MRTFB: variants seen among roughly 807,000 people sequenced by gnomAD.
MRTFB encodes myocardin-related transcription factor B.
Under a neutral mutation model 104.2 loss-of-function variants are expected in MRTFB, and 29 were observed. That is an observed-to-expected ratio of 0.28 (90% CI 0.21 to 0.38). The LOEUF is 0.38. Ranked by LOEUF, MRTFB falls within the 10% of genes least tolerant of loss-of-function variation. The probability of loss-of-function intolerance (pLI) is 1.00; values close to 1 mark genes in which losing one functional copy is unlikely to be tolerated. For missense variants in MRTFB, 1,270 were observed against 1,341.6 expected, an observed-to-expected ratio of 0.95 and a Z score of 0.83; for synonymous variants, 535 against 519.5, an observed-to-expected ratio of 1.03 and a Z score of -0.41.
the MRTFB span, among the ~76,000 whole-genome samples, chr16:14,055,125 G>C: frequency 6.6e-6 from 1 of 152,186 alleles, no homozygotes; most frequent in African/African-American, 2.4e-5. Flanking sequence ...GCTGAGGCGG[G>C]TGGATCACCT....
intron 11 of MRTFB, 106 bp downstream of exon 11, chr16:14,245,766 C>T: frequency 8.2e-7 from 1 of 1,214,724 alleles, no homozygotes; most frequent in Middle Eastern, 2.0e-4. Context: ...AGACATTCAA[C>T]TTTACCAACA....
rs148938975 is a variant in MRTFB at position 14,206,752 on chromosome 16, G to A, written c.155-3491G>A. ...AGACGGGTTTCACCATGTTGGCCAGGCTAGTCTCAAACTCCTGAGCTCCAA... is the reference window on the plus strand; with the variant it reads ...AGACGGGTTTCACCATGTTGGCCAGACTAGTCTCAAACTCCTGAGCTCCAA... On this transcript the variant is annotated intron_variant, in intron 3 of 16. Transcript: ENST00000571589. Among the ~76,000 whole-genome samples, 16 of 152,150 alleles carry A rather than the reference G, an allele frequency of 1.1e-4. No individual in the cohort carries two copies. The East Asian group carries it at 3.1e-3, about 29-fold the overall frequency.
chr16:14,153,832 G>A (rs2038725102), intron 3 of MRTFB, among the ~76,000 whole-genome samples: 1 of 152,110 alleles, frequency 6.6e-6, no homozygotes, highest in African/African-American at 2.4e-5. Context: ...AGTTGTTCAA[G>A]TCTTCTATAC....
chr16:14,061,383 C>T, the MRTFB span, among the ~76,000 whole-genome samples: 1 of 152,148 alleles, frequency 6.6e-6, no homozygotes, highest in Non-Finnish European at 1.5e-5. Context: ...CCTGCATGTG[C>T]CCAGAAGCTG....
rs749904363 is a variant in MRTFB at position 14,247,104 on chromosome 16, A to G, written c.1844A>G (p.Glu615Gly). 6.2e-7 allele frequency: 1 copy of G among 1,614,074 alleles called. No individual in the cohort carries two copies. The highest frequency in any genetic ancestry group is 8.5e-7 in the Non-Finnish European group (1 of 1,180,052). ...CGAGGGCAGCAGCAGCGGCCCCTGG[A>G]AGCCCAGCCCAGTGCCCCAGGTCAT... The part of the protein sequence containing the change: ...EKRGQQQRPL[E>G]AQPSAPGHSV... Residue 615 changes from glutamate to glycine, a missense_variant, in exon 12 of 17, where the codon GAA becomes GGA. Glu to Gly is a moderately conservative substitution (Grantham distance 98). This residue lies in a region of MRTFB where 1,144 missense variants were observed against 1,131.5 expected (regional missense o/e 1.01). Transcript: ENST00000571589.
chr16:14,168,318 C>T (rs1039177787), intron 3 of MRTFB, among the ~76,000 whole-genome samples: 3 of 151,828 alleles, frequency 2.0e-5, no homozygotes, highest in Admixed American at 6.6e-5. Context: ...ATGCATATGC[C>T]TAAGTGCCCG....
chr16:14,104,591 A>G (rs2035874081), intron 2 of MRTFB, among the ~76,000 whole-genome samples: 1 of 152,234 alleles, frequency 6.6e-6, no homozygotes, highest in Admixed American at 6.5e-5. Flanking sequence ...TTCGCTTTAT[A>G]AACAAAAAGT....
rs147388686 is a variant in MRTFB, at chr16:14,217,495, C to T, written c.514+208C>T. 4.2e-3 allele frequency among the ~76,000 whole-genome samples: 645 copies of T among 152,236 alleles called. 3 individuals are homozygous for T. Among genetic ancestry groups the T allele is most frequent in the African/African-American group, 0.015 (618 of 41,528 alleles). Reference sequence around the variant, plus strand: ...TGATTAACAGATTCCCTTGTTAGGTCTGAGTTTTAATTCTTAACATTCTGA... The same window carrying T: ...TGATTAACAGATTCCCTTGTTAGGTTTGAGTTTTAATTCTTAACATTCTGA... On this transcript the variant is annotated intron_variant, in intron 7 of 16. Coordinates refer to ENST00000571589, the MANE Select transcript of MRTFB (RefSeq NM_001308142.2).
chr16:14,237,888 A>G (rs1299870375), intron 9 of MRTFB, among the ~76,000 whole-genome samples: 1 of 152,230 alleles, frequency 6.6e-6, no homozygotes, highest in East Asian at 1.9e-4. Context: ...GTATTCTGTA[A>G]GAGTAGGAAA....
chr16:14,172,726 G>A (rs1383187113), intron 3 of MRTFB, among the ~76,000 whole-genome samples: 1 of 152,120 alleles, frequency 6.6e-6, no homozygotes, highest in Non-Finnish European at 1.5e-5. Context: ...AATGTTTGGT[G>A]TAATTTTGAT....
the MRTFB span, among the ~76,000 whole-genome samples, chr16:14,031,330 G>T: frequency 3.3e-5 from 5 of 151,638 alleles, 1 homozygote; most frequent in Admixed American, 6.6e-5. Context: ...GGCGGAGGAG[G>T]TTGCAGTGAG....
At chr16:14,110,819 G>A (rs2036232420) in intron 2 of MRTFB, among the ~76,000 whole-genome samples, 1 of 151,968 alleles carries the variant, frequency 6.6e-6, no homozygotes, top group African/African-American at 2.4e-5. Flanking sequence ...CTGCCCCAAG[G>A]CCCCAAACTT....
At chr16:14,224,280 T>G (rs931268870) in intron 8 of MRTFB, among the ~76,000 whole-genome samples, 1 of 150,252 alleles carries the variant, frequency 6.7e-6, no homozygotes, top group African/African-American at 2.5e-5. Context: ...TCAGCATTGT[T>G]TGACAGTTTT....
At chr16:14,042,901 T>A in the MRTFB span, among the ~76,000 whole-genome samples, 1 of 152,186 alleles carries the variant, frequency 6.6e-6, no homozygotes, top group Non-Finnish European at 1.5e-5. Flanking sequence ...GCCTGGATGC[T>A]TTCCACTGGC....
At position 14,208,212 on chromosome 16, in the gene MRTFB, C is replaced by G. The variant is rs558273276; in HGVS notation, c.155-2031C>G. On this transcript the variant is annotated intron_variant, in intron 3 of 16. Coordinates refer to ENST00000571589, the MANE Select transcript of MRTFB (RefSeq NM_001308142.2). ...TGATACAGCTGACAGGACTGCTGTC[C>G]TGGTAAATGAAGGCACCTGAAATGA... Among the ~76,000 whole-genome samples the G allele has an allele frequency of 7.9e-5, 12 of 152,264 alleles. No homozygotes were observed. The South Asian group carries it at 1.0e-3, about 13-fold the overall frequency.
chr16:13,998,870 TCAAAAAAAAAA>T, the MRTFB span, among the ~76,000 whole-genome samples: 406 of 24,736 alleles, frequency 0.016, 6 homozygotes, highest in African/African-American at 0.045. Context: ...AGACTCTGTT[TCAAAAAAAAAA>T]AAAAAAAAAA....
At chr16:14,044,167 C>T in the MRTFB span, among the ~76,000 whole-genome samples, 1 of 152,192 alleles carries the variant, frequency 6.6e-6, no homozygotes, top group African/African-American at 2.4e-5. Flanking sequence ...GTCAGTCAGT[C>T]AGTCTACTAA....
chr16:14,217,248 A>G lies in MRTFB; in HGVS notation c.475A>G (p.Ile159Val). The change falls in exon 7 of 17, where the codon ATC becomes GTC. Residue 159 changes from isoleucine to valine, a missense_variant. This residue lies in a region of MRTFB where 64 missense variants were observed against 152.9 expected (regional missense o/e 0.42). Coordinates refer to ENST00000571589, the MANE Select transcript of MRTFB (RefSeq NM_001308142.2). ...TCCTATGGAGCTGGTAGAGAAAAAC[A>G]TCCTTCCTGTGGACTCCAGTGTTAA... Reference protein sequence around the residue: ...PGPMELVEKNILPVDSSVKEA... With the variant: ...PGPMELVEKNVLPVDSSVKEA... The G allele has an allele frequency of 6.2e-7, 1 of 1,613,684 alleles. No individual in the cohort carries two copies. Among genetic ancestry groups the G allele is most frequent in the Non-Finnish European group, 8.5e-7 (1 of 1,179,860 alleles).
upstream of MRTFB, among the ~76,000 whole-genome samples, chr16:14,068,872 C>G (rs1443857626): frequency 3.3e-5 from 5 of 149,690 alleles, no homozygotes; most frequent in Admixed American, 1.3e-4. Flanking sequence ...CTGGATAGAA[C>G]AGTAGAAGAA....
Sources: gnomAD v4.1 joint callset for allele counts (sites outside exome capture counted in the v4.1 genomes callset) on GRCh38, gnomAD v4.1.1 for gene constraint, gnomAD v4.1.1 regional missense constraint, MANE v1.5 for transcripts, NCBI Gene and HGNC (gene_info 2026-07-23, HGNC 2026-07-21) for gene names.